TECRL: variants seen among roughly 807,000 people sequenced by gnomAD.
TECRL encodes the protein trans-2,3-enoyl-CoA reductase like.
In TECRL, 63 loss-of-function variants were observed where a neutral mutation model predicts 52.8. The observed-to-expected ratio is 1.19, with a 90% CI of 0.97 to 1.47. The LOEUF is 1.47. TECRL is among the 40% of genes most tolerant of loss of function. TECRL has a pLI of 0.00. For missense variants in TECRL, 482 were observed against 429.6 expected, an observed-to-expected ratio of 1.12 and a Z score of -1.08; for synonymous variants, 164 against 141.9, an observed-to-expected ratio of 1.16 and a Z score of -1.10.
chr4:64,402,465 T>C (rs1379675956), intron 1 of TECRL, among the ~76,000 whole-genome samples: 6 of 152,096 alleles, frequency 3.9e-5, no homozygotes, highest in Admixed American at 1.3e-4. Context: ...TATTGGATTA[T>C]ATACAGTAAT....
At chr4:64,400,959 T>A (rs1198903700) in intron 1 of TECRL, among the ~76,000 whole-genome samples, 1 of 152,152 alleles carries the variant, frequency 6.6e-6, no homozygotes, top group East Asian at 1.9e-4. Context: ...GAAAACATAA[T>A]AAGTTTGCCC....
At chr4:64,310,006 AT>A (rs1356390611) in intron 5 of TECRL, 75 bp from the exon 6 acceptor site, 10 of 886,066 alleles carry the variant, frequency 1.1e-5, no homozygotes, top group African/African-American at 1.8e-5. Flanking sequence ...ATACATTTTA[AT>A]TTTTTTAGTT....
chr4:64,329,994 A>G (rs1718525177), intron 2 of TECRL, among the ~76,000 whole-genome samples: 1 of 151,828 alleles, frequency 6.6e-6, no homozygotes, highest in African/African-American at 2.4e-5. Flanking sequence ...TATTTACTGT[A>G]CAGTAAAATA....
At chr4:64,336,914 T>A (rs901810719) in intron 2 of TECRL, among the ~76,000 whole-genome samples, 1 of 152,142 alleles carries the variant, frequency 6.6e-6, no homozygotes, top group African/African-American at 2.4e-5. Context: ...TGCTGAGGAG[T>A]GCTTTACATC....
chr4:64,318,306 T>C (rs749343111), intron 4 of TECRL, among the ~76,000 whole-genome samples: 10 of 151,962 alleles, frequency 6.6e-5, no homozygotes, highest in Admixed American at 2.6e-4. Context: ...ATGTGTTAAA[T>C]GAAAGATAAG....
chr4:64,356,988 A>C (rs746129526), intron 2 of TECRL, among the ~76,000 whole-genome samples: 1 of 152,182 alleles, frequency 6.6e-6, no homozygotes, highest in Non-Finnish European at 1.5e-5. Context: ...AAAGGTAAAT[A>C]TTTTAATTAT....
downstream of TECRL, chr4:64,276,881 G>A (rs193176311): frequency 4.3e-6 from 2 of 462,094 alleles, no homozygotes; most frequent in Non-Finnish European, 3.9e-6. Context: ...ATGCATATGT[G>A]TACATACTTA....
chr4:64,371,629 T>C (rs990396555), intron 2 of TECRL, among the ~76,000 whole-genome samples: 1 of 151,716 alleles, frequency 6.6e-6, no homozygotes, highest in Non-Finnish European at 1.5e-5. Context: ...TGCTTTTCTG[T>C]GGAAACCCAG....
At chr4:64,310,779 G>GT (rs1716931540) in intron 5 of TECRL, among the ~76,000 whole-genome samples, 1 of 152,160 alleles carries the variant, frequency 6.6e-6, no homozygotes, top group Non-Finnish European at 1.5e-5. Flanking sequence ...CCAGGCTGCA[G>GT]TGCAGTGGCA....
rs7683730 is a variant in TECRL at position 64,375,104 on chromosome 4, A to G, written c.286+68T>C. On this transcript the variant is annotated intron_variant, in intron 2 of 11. Coordinates refer to ENST00000381210, the MANE Select transcript of TECRL (RefSeq NM_001010874.5). ...ACACTCTAACATATATTGCACTTAT[A>G]GAAAAATTTAAACCTATTTGAAAAT... 0.21 allele frequency: 167,902 copies of G among 784,692 alleles called. 18,930 individuals are homozygous for G. The highest frequency in any genetic ancestry group is 0.29 in the Middle Eastern group (732 of 2,554). The allele number at this position is 784,692 out of a possible 1,614,324, so 48.6% of individuals were successfully genotyped here.
intron 2 of TECRL, among the ~76,000 whole-genome samples, chr4:64,355,693 T>C (rs1238503052): frequency 2.7e-5 from 4 of 150,242 alleles, no homozygotes; most frequent in Admixed American, 2.0e-4. Context: ...TCCCAGCTAC[T>C]TGGGAGGCTG....
intron 8 of TECRL, among the ~76,000 whole-genome samples, chr4:64,292,930 T>G (rs1723471567): frequency 6.6e-6 from 1 of 152,068 alleles, no homozygotes; most frequent in Non-Finnish European, 1.5e-5. Context: ...GGATGATGTT[T>G]GATAAATAAA....
At chr4:64,326,557 A>G (rs947813750) in intron 3 of TECRL, among the ~76,000 whole-genome samples, 2 of 152,214 alleles carry the variant, frequency 1.3e-5, no homozygotes, top group African/African-American at 4.8e-5. Flanking sequence ...GCTCATTTTT[A>G]TACCTCTACT....
chr4:64,321,522 G>A (rs547322127), intron 4 of TECRL, among the ~76,000 whole-genome samples: 8 of 152,168 alleles, frequency 5.3e-5, no homozygotes, highest in Non-Finnish European at 1.0e-4. Flanking sequence ...TAATGTAATT[G>A]AAAGAAAAGG....
intron 1 of TECRL, among the ~76,000 whole-genome samples, chr4:64,382,338 C>T (rs1722877470): frequency 7.0e-6 from 1 of 142,780 alleles, no homozygotes; most frequent in African/African-American, 2.6e-5. Context: ...TATATATATA[C>T]ACACACATAC....
chr4:64,394,804 A>G (rs373445360), intron 1 of TECRL, among the ~76,000 whole-genome samples: 1 of 152,132 alleles, frequency 6.6e-6, no homozygotes, highest in Non-Finnish European at 1.5e-5. Context: ...CATCAAAAAT[A>G]ACCTTGTGAA....
At chr4:64,304,753 A>G (rs1724228368) in intron 7 of TECRL, among the ~76,000 whole-genome samples, 1 of 152,118 alleles carries the variant, frequency 6.6e-6, no homozygotes, top group Non-Finnish European at 1.5e-5. Flanking sequence ...AATCATAAAT[A>G]GAAACTGATA....
At chr4:64,296,977 A>C (rs1178453014) in intron 8 of TECRL, among the ~76,000 whole-genome samples, 1 of 151,574 alleles carries the variant, frequency 6.6e-6, no homozygotes, top group African/African-American at 2.4e-5. Context: ...TTGTGTTGAA[A>C]GTTAGAAAGA....
chr4:64,351,328 GTC>G (rs1301384430), intron 2 of TECRL, among the ~76,000 whole-genome samples: 1 of 151,702 alleles, frequency 6.6e-6, no homozygotes, highest in Non-Finnish European at 1.5e-5. Flanking sequence ...TTGTCACTGA[GTC>G]TGGTGTGCAG....
Sources: allele counts gnomAD v4.1 joint callset (sites outside exome capture counted in the v4.1 genomes callset), GRCh38; gene constraint gnomAD v4.1.1; transcripts MANE v1.5; gene names NCBI Gene and HGNC (gene_info 2026-07-23, HGNC 2026-07-21).